PPARGC1A: variants seen among roughly 807,000 people sequenced by gnomAD.
PPARGC1A encodes PPARG coactivator 1 alpha.
PPARGC1A carries 25 observed loss-of-function variants against 88.7 expected under a neutral mutation model. That is an observed-to-expected ratio of 0.28 (90% CI 0.21 to 0.39). PPARGC1A has a LOEUF of 0.39. Ranked by LOEUF, PPARGC1A falls within the 10% of genes least tolerant of loss-of-function variation. The pLI, the probability that PPARGC1A is intolerant of heterozygous loss-of-function variation, is 1.00. For synonymous variants in PPARGC1A, 363 were observed against 355.6 expected (o/e 1.02, Z -0.24); for missense variants, 880 against 968.7 (o/e 0.91, Z 1.22).
the PPARGC1A span, among the ~76,000 whole-genome samples, chr4:24,150,180 C>T: frequency 6.6e-6 from 1 of 152,116 alleles, no homozygotes; most frequent in African/African-American, 2.4e-5. Context: ...AAGAGACACA[C>T]CGGGCAGTGT....
chr4:24,412,910 T>C, the PPARGC1A span, among the ~76,000 whole-genome samples: 1 of 152,246 alleles, frequency 6.6e-6, no homozygotes, highest in Non-Finnish European at 1.5e-5. Flanking sequence ...AAATATTTAC[T>C]ATCTGGCACT....
chr4:24,273,310 T>TTTG, the PPARGC1A span, among the ~76,000 whole-genome samples: 4 of 152,210 alleles, frequency 2.6e-5, no homozygotes, highest in Non-Finnish European at 5.9e-5. Context: ...TCACAACATG[T>TTTG]TTGTTATAAG....
the PPARGC1A span, among the ~76,000 whole-genome samples, chr4:23,988,102 C>A: frequency 2.6e-5 from 4 of 152,198 alleles, no homozygotes; most frequent in Middle Eastern, 3.4e-3. Context: ...CTTGTCCCTG[C>A]AAAGGACATG....
chr4:24,281,501 G>A, the PPARGC1A span, among the ~76,000 whole-genome samples: 158 of 151,992 alleles, frequency 1.0e-3, no homozygotes, highest in South Asian at 3.9e-3. Flanking sequence ...AGAACTCACC[G>A]CAGAGAGAGG....
At chr4:24,302,049 A>G in the PPARGC1A span, among the ~76,000 whole-genome samples, 1 of 151,978 alleles carries the variant, frequency 6.6e-6, no homozygotes, top group East Asian at 1.9e-4. Flanking sequence ...GTTTCCCCCC[A>G]AGTTGTTCTT....
the PPARGC1A span, among the ~76,000 whole-genome samples, chr4:23,929,889 A>G: frequency 6.6e-6 from 1 of 152,256 alleles, no homozygotes; most frequent in Admixed American, 6.5e-5. Flanking sequence ...TTCTCATTAC[A>G]TCTTTTTAAC....
chr4:24,010,483 T>A, the PPARGC1A span, among the ~76,000 whole-genome samples: 6 of 152,272 alleles, frequency 3.9e-5, no homozygotes, highest in Admixed American at 3.9e-4. Flanking sequence ...GCCGACCATA[T>A]TCCTCTTCTG....
At chr4:24,446,469 A>G in the PPARGC1A span, among the ~76,000 whole-genome samples, 3 of 152,210 alleles carry the variant, frequency 2.0e-5, no homozygotes, top group Non-Finnish European at 4.4e-5. Flanking sequence ...TATATATTTT[A>G]ATTCCTTCAA....
At chr4:24,453,048 C>G in the PPARGC1A span, among the ~76,000 whole-genome samples, 1 of 152,140 alleles carries the variant, frequency 6.6e-6, no homozygotes, top group Non-Finnish European at 1.5e-5. Context: ...GAATCCTAAC[C>G]CAGTATGACA....
the PPARGC1A span, among the ~76,000 whole-genome samples, chr4:24,340,539 A>G: frequency 2.0e-4 from 30 of 152,332 alleles, no homozygotes; most frequent in African/African-American, 7.0e-4. Flanking sequence ...GACCATAAAG[A>G]TAGATAAAAC....
At chr4:24,301,861 C>T in the PPARGC1A span, among the ~76,000 whole-genome samples, 2 of 152,218 alleles carry the variant, frequency 1.3e-5, no homozygotes, top group Non-Finnish European at 2.9e-5. Context: ...CCCATTTAAT[C>T]TAACACAGTA....
the PPARGC1A span, among the ~76,000 whole-genome samples, chr4:24,074,564 C>G: frequency 5.3e-5 from 8 of 152,114 alleles, 1 homozygote; most frequent in Non-Finnish European, 8.8e-5. Flanking sequence ...GTTTATCTCA[C>G]TTTTCCCCAT....
the PPARGC1A span, among the ~76,000 whole-genome samples, chr4:23,971,797 A>C: frequency 6.6e-6 from 1 of 152,120 alleles, no homozygotes; most frequent in Non-Finnish European, 1.5e-5. Flanking sequence ...CTTCAATCCA[A>C]TCAAGTTGAC....
At chr4:24,158,443 G>A in the PPARGC1A span, among the ~76,000 whole-genome samples, 1 of 152,198 alleles carries the variant, frequency 6.6e-6, no homozygotes, top group African/African-American at 2.4e-5. Context: ...CATATGTCAT[G>A]CTCTCCGTTA....
At chr4:24,389,484 A>G in the PPARGC1A span, among the ~76,000 whole-genome samples, 3 of 152,208 alleles carry the variant, frequency 2.0e-5, no homozygotes. Flanking sequence ...CAACATGGAT[A>G]TAACAGTATT....
the PPARGC1A span, among the ~76,000 whole-genome samples, chr4:24,326,745 T>C: frequency 1.2e-4 from 19 of 152,304 alleles, 1 homozygote; most frequent in East Asian, 5.8e-4. Context: ...TTCCTAGGCA[T>C]GTTTAGTGCG....
At chr4:24,035,128 C>T in the PPARGC1A span, among the ~76,000 whole-genome samples, 1 of 152,144 alleles carries the variant, frequency 6.6e-6, no homozygotes, top group African/African-American at 2.4e-5. Context: ...ATATGTGTGG[C>T]AAACACTTGT....
At chr4:24,175,643 G>A in the PPARGC1A span, among the ~76,000 whole-genome samples, 14 of 149,888 alleles carry the variant, frequency 9.3e-5, no homozygotes, top group Non-Finnish European at 1.6e-4. Flanking sequence ...CCGCCTCGGC[G>A]TCCCAAAGTG....
the PPARGC1A span, among the ~76,000 whole-genome samples, chr4:24,220,268 G>A: frequency 2.0e-5 from 3 of 152,230 alleles, no homozygotes; most frequent in Admixed American, 6.5e-5. Flanking sequence ...CTTATACACT[G>A]TTGGTGGGAA....
Sources: gnomAD v4.1 joint callset for allele counts (sites outside exome capture counted in the v4.1 genomes callset) on GRCh38, gnomAD v4.1.1 for gene constraint, MANE v1.5 for transcripts, NCBI Gene and HGNC (gene_info 2026-07-23, HGNC 2026-07-21) for gene names.